CMSS1: variants seen among roughly 807,000 people sequenced by gnomAD.
CMSS1 encodes the protein cms1 ribosomal small subunit homolog.
A neutral mutation model predicts 43.5 loss-of-function variants in CMSS1; 33 were observed. The ratio of observed to expected loss-of-function variants is 0.76; its 90% CI spans 0.57 to 1.01. The LOEUF (loss-of-function observed/expected upper bound fraction) is 1.01. Among genes scored for constraint, CMSS1 ranks in the 50% least tolerant of loss-of-function variants. The pLI is 0.00. For missense variants in CMSS1, 313 were observed against 326.4 expected (o/e 0.96, Z 0.32); for synonymous variants, 115 against 117.2 (o/e 0.98, Z 0.12).
At chr3:100,127,102 CTG>C (rs2107496678) in intron 1 of CMSS1, among the ~76,000 whole-genome samples, 1 of 152,306 alleles carries the variant, frequency 6.6e-6, no homozygotes, top group Non-Finnish European at 1.5e-5. Flanking sequence ...AGTTTCAAAT[CTG>C]TAAATTGCTG....
intron 1 of CMSS1, among the ~76,000 whole-genome samples, chr3:99,961,516 C>T (rs1317071918): frequency 6.6e-6 from 1 of 152,100 alleles, no homozygotes; most frequent in African/African-American, 2.4e-5. Flanking sequence ...TTTTGCCAGC[C>T]CATGTGTGAA....
Position 100,178,453 on chromosome 3 carries a change from T to C in CMSS1, c.*65T>C. ...GTTGCATCTTATTTAATGACTCTGATACATTGCAAGCACTCAGTAAATATC... is the reference window on the plus strand; with the variant it reads ...GTTGCATCTTATTTAATGACTCTGACACATTGCAAGCACTCAGTAAATATC... On this transcript the variant is annotated 3_prime_UTR_variant, in exon 10 of 10. Transcript: ENST00000421999. The C allele has an allele frequency of 1.0e-6, 1 of 976,412 alleles. No homozygotes were observed. The highest frequency in any genetic ancestry group is 1.4e-5 in the South Asian group (1 of 72,610). The allele number at this position is 976,412 out of a possible 1,614,324, so 60.5% of individuals were successfully genotyped here.
intron 1 of CMSS1, among the ~76,000 whole-genome samples, chr3:100,087,072 C>G (rs893931864): frequency 6.6e-6 from 1 of 152,216 alleles, no homozygotes; most frequent in African/African-American, 2.4e-5. Flanking sequence ...TGTCATACAG[C>G]TGTACCATAG....
chr3:100,013,091 G>A (rs1710209615), intron 1 of CMSS1, among the ~76,000 whole-genome samples: 1 of 152,050 alleles, frequency 6.6e-6, no homozygotes, highest in South Asian at 2.1e-4. Flanking sequence ...TGTCCGGGCT[G>A]ATCTTGAACT....
At chr3:99,977,980 A>G (rs1238964563) in intron 1 of CMSS1, among the ~76,000 whole-genome samples, 1 of 152,210 alleles carries the variant, frequency 6.6e-6, no homozygotes, top group Non-Finnish European at 1.5e-5. Flanking sequence ...ATTATGCCAG[A>G]TGGTCCTCTT....
At chr3:99,975,350 AG>A (rs1708938314) in intron 1 of CMSS1, among the ~76,000 whole-genome samples, 2 of 152,262 alleles carry the variant, frequency 1.3e-5, no homozygotes, top group Non-Finnish European at 2.9e-5. Flanking sequence ...GTTCTAGTGC[AG>A]GAGACTGACA....
intron 1 of CMSS1, among the ~76,000 whole-genome samples, chr3:99,879,349 G>C (rs952931792): frequency 3.3e-5 from 5 of 152,200 alleles, no homozygotes; most frequent in African/African-American, 1.2e-4. Flanking sequence ...CTAATTGTCA[G>C]GAGGCCATGA....
At chr3:99,929,493 G>A (rs912951491) in intron 1 of CMSS1, among the ~76,000 whole-genome samples, 1 of 151,198 alleles carries the variant, frequency 6.6e-6, no homozygotes, top group Non-Finnish European at 1.5e-5. Context: ...TTACAGCCTG[G>A]GTACCCTGCA....
intron 1 of CMSS1, among the ~76,000 whole-genome samples, chr3:100,093,266 G>A (rs1237821247): frequency 6.6e-6 from 1 of 152,082 alleles, no homozygotes; most frequent in Non-Finnish European, 1.5e-5. Context: ...TATAGCTGAT[G>A]TCTTCTGTAA....
chr3:99,839,662 GA>G (rs1197096510), intron 1 of CMSS1, among the ~76,000 whole-genome samples: 3 of 152,162 alleles, frequency 2.0e-5, no homozygotes, highest in Non-Finnish European at 4.4e-5. Flanking sequence ...TTCTAGTTTA[GA>G]ATTCAGGTAT....
At chr3:100,065,461 G>C (rs1195179435) in intron 1 of CMSS1, among the ~76,000 whole-genome samples, 1 of 152,158 alleles carries the variant, frequency 6.6e-6, no homozygotes, top group Non-Finnish European at 1.5e-5. Context: ...TCCCAGTTCT[G>C]TTGAACCACA....
intron 1 of CMSS1, among the ~76,000 whole-genome samples, chr3:99,958,950 A>G (rs1203325346): frequency 6.6e-6 from 1 of 152,200 alleles, no homozygotes; most frequent in African/African-American, 2.4e-5. Flanking sequence ...AATGAGCTCT[A>G]TACCACTGGA....
intron 1 of CMSS1, among the ~76,000 whole-genome samples, chr3:100,128,396 A>G (rs1325254134): frequency 6.6e-6 from 1 of 152,240 alleles, no homozygotes; most frequent in Non-Finnish European, 1.5e-5. Context: ...GACACCAAAA[A>G]AATCCAATTG....
At chr3:99,898,183 T>C (rs1482768100) in intron 1 of CMSS1, 3 of 152,242 alleles carry the variant, frequency 2.0e-5, no homozygotes, top group Non-Finnish European at 2.9e-5. Flanking sequence ...TTTTGTTGCA[T>C]ATTTTGACAT....
intron 1 of CMSS1, among the ~76,000 whole-genome samples, chr3:99,927,348 A>G (rs1707325571): frequency 6.6e-6 from 1 of 151,966 alleles, no homozygotes; most frequent in South Asian, 2.1e-4. Context: ...TGGTAAATCC[A>G]AAATGTTGTT....
At chr3:100,045,283 C>T (rs767424559) in intron 1 of CMSS1, among the ~76,000 whole-genome samples, 5 of 152,288 alleles carry the variant, frequency 3.3e-5, no homozygotes, top group East Asian at 3.9e-4. Context: ...GTATCTAGCT[C>T]ATAGTAAGCA....
chr3:99,904,340 A>G (rs1055748331), intron 1 of CMSS1, among the ~76,000 whole-genome samples: 2 of 152,224 alleles, frequency 1.3e-5, no homozygotes, highest in African/African-American at 4.8e-5. Context: ...TTGCTATCCA[A>G]TCAAGTATTT....
chr3:99,966,119 A>G (rs1294102105), intron 1 of CMSS1, among the ~76,000 whole-genome samples: 5 of 152,218 alleles, frequency 3.3e-5, no homozygotes, highest in African/African-American at 9.7e-5. Context: ...CTCTCTCACA[A>G]TATCTCTTAG....
chr3:100,126,464 C>T (rs2066662670), intron 1 of CMSS1, among the ~76,000 whole-genome samples: 1 of 152,172 alleles, frequency 6.6e-6, no homozygotes, highest in Non-Finnish European at 1.5e-5. Context: ...TTTCCTTTTT[C>T]ACATGGGTTC....
Sources: gnomAD v4.1 joint callset for allele counts (sites outside exome capture counted in the v4.1 genomes callset) on GRCh38, gnomAD v4.1.1 for gene constraint, MANE v1.5 for transcripts, NCBI Gene and HGNC (gene_info 2026-07-23, HGNC 2026-07-21) for gene names.